GRIK2: variants seen among roughly 807,000 people sequenced by gnomAD.
GRIK2 encodes the protein glutamate receptor ionotropic, kainate 2.
GRIK2 carries 32 observed loss-of-function variants against 100.3 expected under a neutral mutation model. That is an observed-to-expected ratio of 0.32 (90% CI 0.24 to 0.43). The LOEUF is 0.43. Ranked by LOEUF, GRIK2 falls within the 20% of genes least tolerant of loss-of-function variation. The pLI is 1.00. For missense variants in GRIK2, 843 were observed against 1,114.9 expected (o/e 0.76, Z 3.47); for synonymous variants, 417 against 389.4 (o/e 1.07, Z -0.83).
Position 101,644,076 on chromosome 6 carries a change from T to C in GRIK2, c.541+17439T>C, listed in dbSNP as rs544569933. On this transcript the variant is annotated intron_variant, in intron 4 of 16. Transcript: ENST00000369134. Reference sequence around the variant, plus strand: ...TGACATATACAACTATATAAAGTAATATCTTATCAAGCACTTCCTTGGCCA... The same window carrying C: ...TGACATATACAACTATATAAAGTAACATCTTATCAAGCACTTCCTTGGCCA... Among the ~76,000 whole-genome samples the C allele has an allele frequency of 3.8e-4, 58 of 151,892 alleles. 1 individual carries two copies. Among genetic ancestry groups the C allele is most frequent in the African/African-American group, 1.4e-3 (57 of 41,526 alleles).
intron 10 of GRIK2, among the ~76,000 whole-genome samples, chr6:101,858,636 G>T (rs561813837): frequency 6.6e-6 from 1 of 151,694 alleles, no homozygotes; most frequent in African/African-American, 2.4e-5. Flanking sequence ...TGATCTGCCC[G>T]CCTTGGCCTC....
intron 11 of GRIK2, among the ~76,000 whole-genome samples, chr6:101,866,862 A>C (rs1221161008): frequency 6.6e-6 from 1 of 151,710 alleles, no homozygotes; most frequent in African/African-American, 2.4e-5. Flanking sequence ...CTATAATGCA[A>C]ATATTTTCCC....
intron 2 of GRIK2, among the ~76,000 whole-genome samples, chr6:101,453,658 T>C (rs1447107224): frequency 1.3e-5 from 2 of 151,970 alleles, no homozygotes; most frequent in East Asian, 3.9e-4. Context: ...TTTTTTGTGA[T>C]TTTTCAGTCA....
intron 7 of GRIK2, among the ~76,000 whole-genome samples, chr6:101,693,448 A>C (rs920372350): frequency 1.3e-5 from 2 of 151,750 alleles, no homozygotes; most frequent in Non-Finnish European, 2.9e-5. Context: ...AAAAAAAAAA[A>C]CTTTACCTGT....
At chr6:101,879,979 T>C (rs1011355822) in intron 11 of GRIK2, among the ~76,000 whole-genome samples, 2 of 152,026 alleles carry the variant, frequency 1.3e-5, no homozygotes. Context: ...AACTGCTGAC[T>C]CAATAGGGCC....
chr6:101,981,823 G>T (rs1039944902), intron 14 of GRIK2, among the ~76,000 whole-genome samples: 2 of 151,664 alleles, frequency 1.3e-5, no homozygotes, highest in Non-Finnish European at 2.9e-5. Flanking sequence ...TAAAAAAAAA[G>T]TATATTTCAA....
intron 4 of GRIK2, among the ~76,000 whole-genome samples, chr6:101,639,101 G>T (rs1420200456): frequency 1.3e-5 from 2 of 152,056 alleles, no homozygotes; most frequent in African/African-American, 2.4e-5. Flanking sequence ...ATGCAGTGGC[G>T]CAATCTCGGC....
intron 7 of GRIK2, among the ~76,000 whole-genome samples, chr6:101,719,533 A>G (rs1354163126): frequency 6.6e-6 from 1 of 152,042 alleles, no homozygotes; most frequent in African/African-American, 2.4e-5. Context: ...CTCAGATAAA[A>G]TAATGAGCCT....
At chr6:101,556,593 T>C (rs1776763304) in intron 2 of GRIK2, among the ~76,000 whole-genome samples, 2 of 152,156 alleles carry the variant, frequency 1.3e-5, no homozygotes, top group Non-Finnish European at 2.9e-5. Context: ...AAGTTATTAT[T>C]GATAATAGCT....
intron 12 of GRIK2, among the ~76,000 whole-genome samples, chr6:101,892,485 A>T (rs1160540643): frequency 3.9e-5 from 6 of 152,042 alleles, no homozygotes; most frequent in Non-Finnish European, 8.8e-5. Context: ...CAAGTATGTC[A>T]TCCTATTTGA....
intron 14 of GRIK2, among the ~76,000 whole-genome samples, chr6:102,022,902 T>C (rs13191478): frequency 0.27 from 41,022 of 151,322 alleles, 5,967 homozygotes; most frequent in East Asian, 0.34. Flanking sequence ...AACAGAGCTT[T>C]ATAAGTGAGT....
chr6:101,545,599 C>T (rs1467592245), intron 2 of GRIK2, among the ~76,000 whole-genome samples: 1 of 151,978 alleles, frequency 6.6e-6, no homozygotes, highest in Non-Finnish European at 1.5e-5. Flanking sequence ...AGACACTTGG[C>T]TTGATTTTAC....
At chr6:101,513,364 T>G (rs997480876) in intron 2 of GRIK2, among the ~76,000 whole-genome samples, 9 of 152,140 alleles carry the variant, frequency 5.9e-5, no homozygotes, top group African/African-American at 2.2e-4. Context: ...TCTTTTGAAG[T>G]CTTATAGTGG....
At chr6:101,442,744 C>G (rs1279575971) in intron 2 of GRIK2, among the ~76,000 whole-genome samples, 1 of 152,056 alleles carries the variant, frequency 6.6e-6, no homozygotes, top group Non-Finnish European at 1.5e-5. Context: ...TGAAAGTAGC[C>G]GTAGCCAATA....
At chr6:102,049,779 A>G (rs765026401) in intron 15 of GRIK2, among the ~76,000 whole-genome samples, 13 of 152,176 alleles carry the variant, frequency 8.5e-5, no homozygotes, top group Admixed American at 2.0e-4. Context: ...GACCCTTGTA[A>G]TTGATTAAAG....
At chr6:101,816,629 T>G (rs1033366236) in intron 9 of GRIK2, among the ~76,000 whole-genome samples, 3 of 152,100 alleles carry the variant, frequency 2.0e-5, no homozygotes, top group African/African-American at 4.8e-5. Flanking sequence ...AGGCAGAGGT[T>G]GCAGTGAGCA....
chr6:102,064,433 T>G (rs2114533638), intron 16 of GRIK2, among the ~76,000 whole-genome samples: 1 of 149,488 alleles, frequency 6.7e-6, no homozygotes, highest in East Asian at 2.0e-4. Context: ...TTTCTCTCTT[T>G]CTCTGTCCAT....
intron 2 of GRIK2, among the ~76,000 whole-genome samples, chr6:101,580,164 A>G (rs1004807812): frequency 3.9e-5 from 6 of 152,130 alleles, no homozygotes; most frequent in African/African-American, 1.2e-4. Flanking sequence ...CTAATGCCCT[A>G]TAATATAGAT....
intron 7 of GRIK2, among the ~76,000 whole-genome samples, chr6:101,795,404 T>G (rs1780227384): frequency 6.6e-6 from 1 of 152,180 alleles, no homozygotes; most frequent in South Asian, 2.1e-4. Flanking sequence ...AGTTCAGTCC[T>G]GAGGCCCAGT....
Sources: allele counts gnomAD v4.1 joint callset (sites outside exome capture counted in the v4.1 genomes callset), GRCh38; gene constraint gnomAD v4.1.1; transcripts MANE v1.5; gene names NCBI Gene and HGNC (gene_info 2026-07-23, HGNC 2026-07-21).